The following GALNTL6 variants were observed in gnomAD, a reference collection of about 807,000 sequenced individuals.
GALNTL6 encodes the protein polypeptide N-acetylgalactosaminyltransferase like 6.
In GALNTL6, 46 loss-of-function variants were observed where a neutral mutation model predicts 73.7. The observed-to-expected ratio is 0.62, with a 90% CI of 0.49 to 0.80. The LOEUF (loss-of-function observed/expected upper bound fraction) is 0.80. Ranked by LOEUF, GALNTL6 falls within the 30% of genes least tolerant of loss-of-function variation. The pLI is 0.00. For missense variants in GALNTL6, 604 were observed against 755.0 expected (o/e 0.80, Z 2.34); for synonymous variants, 259 against 263.7 (o/e 0.98, Z 0.17).
At chr4:172,396,058 A>G (rs1443358480) in intron 5 of GALNTL6, among the ~76,000 whole-genome samples, 1 of 152,160 alleles carries the variant, frequency 6.6e-6, no homozygotes, top group Admixed American at 6.6e-5. Context: ...ACACTCCAGC[A>G]TACCCACATT....
chr4:172,004,694 A>G (rs1237038895), intron 2 of GALNTL6, among the ~76,000 whole-genome samples: 1 of 152,138 alleles, frequency 6.6e-6, no homozygotes, highest in Non-Finnish European at 1.5e-5. Context: ...GTGAAAAACT[A>G]TAGTTAAAAC....
At chr4:172,339,437 C>A (rs1433287665) in intron 4 of GALNTL6, among the ~76,000 whole-genome samples, 4 of 152,114 alleles carry the variant, frequency 2.6e-5, no homozygotes, top group Non-Finnish European at 5.9e-5. Flanking sequence ...ACTCCTGGGG[C>A]ACTTTCTACA....
At chr4:171,890,750 G>T (rs1171687230) in intron 2 of GALNTL6, among the ~76,000 whole-genome samples, 1 of 152,008 alleles carries the variant, frequency 6.6e-6, no homozygotes, top group East Asian at 1.9e-4. Context: ...ATTAAACATT[G>T]AAATAACCAA....
At chr4:172,528,782 T>C (rs1307264307) in intron 5 of GALNTL6, among the ~76,000 whole-genome samples, 1 of 150,678 alleles carries the variant, frequency 6.6e-6, no homozygotes, top group African/African-American at 2.4e-5. Context: ...CATAAGATTA[T>C]TGTGTTCTTC....
intron 5 of GALNTL6, among the ~76,000 whole-genome samples, chr4:172,384,500 T>A (rs936499816): frequency 6.6e-6 from 1 of 152,088 alleles, no homozygotes; most frequent in Non-Finnish European, 1.5e-5. Context: ...TCTCACTTCA[T>A]CTTGTTTTGT....
At chr4:172,855,193 G>A in intron 7 of GALNTL6, among the ~76,000 whole-genome samples, 1 of 34,776 alleles carries the variant, frequency 2.9e-5, no homozygotes, top group Admixed American at 3.9e-4. Flanking sequence ...AGAACTTTGA[G>A]GTGAAAAAAA....
intron 2 of GALNTL6, among the ~76,000 whole-genome samples, chr4:171,835,445 A>C (rs1399691162): frequency 6.6e-6 from 1 of 151,308 alleles, no homozygotes; most frequent in Non-Finnish European, 1.5e-5. Flanking sequence ...TAGTTTATTT[A>C]TAACTATAGC....
chr4:172,096,825 C>G (rs1304049195), intron 2 of GALNTL6, among the ~76,000 whole-genome samples: 1 of 152,078 alleles, frequency 6.6e-6, no homozygotes, highest in African/African-American at 2.4e-5. Context: ...AGCTTCATAT[C>G]CTAATTATCT....
intron 5 of GALNTL6, among the ~76,000 whole-genome samples, chr4:172,504,458 C>T (rs13140523): frequency 0.87 from 44,342 of 51,252 alleles, 21,617 homozygotes; most frequent in Non-Finnish European, 1. Context: ...CCCAGGGAAA[C>T]CAATAGATAG....
chr4:172,236,016 A>G (rs568309402), intron 3 of GALNTL6, among the ~76,000 whole-genome samples: 5 of 152,186 alleles, frequency 3.3e-5, no homozygotes, highest in Non-Finnish European at 7.3e-5. Context: ...ATAGTATTCC[A>G]TGGTATACTT....
At chr4:172,076,160 A>G (rs556425089) in intron 2 of GALNTL6, among the ~76,000 whole-genome samples, 1 of 152,322 alleles carries the variant, frequency 6.6e-6, no homozygotes, top group South Asian at 2.1e-4. Flanking sequence ...AGTCCTCATT[A>G]TTGAGAATTT....
intron 8 of GALNTL6, among the ~76,000 whole-genome samples, chr4:172,896,764 G>C (rs1746356198): frequency 6.6e-6 from 1 of 152,192 alleles, no homozygotes; most frequent in African/African-American, 2.4e-5. Context: ...TTTGGCATCA[G>C]AGACTGGAAA....
At chr4:172,832,661 G>A (rs933259634) in intron 7 of GALNTL6, among the ~76,000 whole-genome samples, 1 of 152,196 alleles carries the variant, frequency 6.6e-6, no homozygotes, top group Non-Finnish European at 1.5e-5. Flanking sequence ...CACCCCAGGA[G>A]CAGACAGCCT....
intron 2 of GALNTL6, among the ~76,000 whole-genome samples, chr4:172,043,795 A>G (rs1023330146): frequency 6.6e-6 from 1 of 152,062 alleles, no homozygotes; most frequent in South Asian, 2.1e-4. Flanking sequence ...GATATCTTCA[A>G]TTTTGAAAGG....
At chr4:172,871,759 T>TTTGTTTG (rs1744952521) in intron 7 of GALNTL6, among the ~76,000 whole-genome samples, 2 of 150,556 alleles carry the variant, frequency 1.3e-5, no homozygotes, top group African/African-American at 4.9e-5. Context: ...TAGCATAGTT[T>TTTGTTTG]TTTGTTTGTT....
chr4:172,721,345 G>T (rs1735463016), intron 5 of GALNTL6, among the ~76,000 whole-genome samples: 1 of 152,166 alleles, frequency 6.6e-6, no homozygotes, highest in African/African-American at 2.4e-5. Context: ...AAGAGGAAGA[G>T]AATATCTACA....
chr4:172,163,743 A>G (rs891144426), intron 2 of GALNTL6, among the ~76,000 whole-genome samples: 22 of 152,074 alleles, frequency 1.4e-4, no homozygotes, highest in Admixed American at 1.3e-3. Context: ...ATCTGTAGGT[A>G]TAAATTCAGA....
At chr4:172,097,005 T>C (rs976127923) in intron 2 of GALNTL6, among the ~76,000 whole-genome samples, 2 of 152,192 alleles carry the variant, frequency 1.3e-5, no homozygotes, top group African/African-American at 4.8e-5. Flanking sequence ...TCATACTTTT[T>C]TAGAAAAGCA....
At chr4:172,941,344 G>A (rs1748910346) in intron 9 of GALNTL6, among the ~76,000 whole-genome samples, 1 of 152,122 alleles carries the variant, frequency 6.6e-6, no homozygotes, top group Non-Finnish European at 1.5e-5. Flanking sequence ...CCAGATAATT[G>A]CATAATAACA....
Sources: allele counts gnomAD v4.1 joint callset (sites outside exome capture counted in the v4.1 genomes callset), GRCh38; gene constraint gnomAD v4.1.1; transcripts MANE v1.5; gene names NCBI Gene and HGNC (gene_info 2026-07-23, HGNC 2026-07-21).